The following ASCC3 variants were observed in gnomAD, a reference collection of about 807,000 sequenced individuals.
The protein encoded by ASCC3 is activating signal cointegrator 1 complex subunit 3.
Under a neutral mutation model 256.3 loss-of-function variants are expected in ASCC3, and 158 were observed. That is an observed-to-expected ratio of 0.62 (90% confidence interval 0.54 to 0.70). ASCC3 has a LOEUF of 0.70. Ranked by LOEUF, ASCC3 falls within the 30% of genes least tolerant of loss-of-function variation. The pLI is 0.00. For missense variants in ASCC3, 2,259 were observed against 2,626.0 expected, an observed-to-expected ratio of 0.86 and a Z score of 3.05; for synonymous variants, 948 against 883.4, an observed-to-expected ratio of 1.07 and a Z score of -1.30.
In ASCC3 at chr6:100,613,200, G is replaced by C. The variant is rs915035257; in HGVS notation, c.4786-6112C>G. 4.0e-5 allele frequency among the ~76,000 whole-genome samples: 6 copies of C among 151,620 alleles called. No homozygotes were observed. The East Asian group carries it at 1.2e-3, about 29-fold the overall frequency. On this transcript the variant is annotated intron_variant, in intron 30 of 41. Coordinates refer to ENST00000369162, the MANE Select transcript of ASCC3 (RefSeq NM_006828.4). ...AGGGCTTTTAGGGTACCCATTACCT[G>C]AATTGGGTACATTGTACCCATTAAG...
intron 37 of ASCC3, among the ~76,000 whole-genome samples, chr6:100,522,737 CT>C (rs1380963852): frequency 6.6e-6 from 1 of 151,776 alleles, no homozygotes; most frequent in Admixed American, 6.6e-5. Flanking sequence ...GTCAAACACT[CT>C]GTTAACCATT....
intron 36 of ASCC3, among the ~76,000 whole-genome samples, chr6:100,581,801 T>C (rs535554245): frequency 5.3e-5 from 8 of 151,096 alleles, no homozygotes; most frequent in Non-Finnish European, 8.9e-5. Flanking sequence ...TTTCTACATA[T>C]GGCTAGCCAG....
intron 11 of ASCC3, among the ~76,000 whole-genome samples, chr6:100,723,315 C>A (rs1046608684): frequency 5.3e-5 from 8 of 151,574 alleles, no homozygotes; most frequent in Non-Finnish European, 8.9e-5. Context: ...GTGTGTCTTA[C>A]TGATCAGAAT....
At chr6:100,699,439 G>A (rs894626756) in intron 13 of ASCC3, among the ~76,000 whole-genome samples, 8 of 152,172 alleles carry the variant, frequency 5.3e-5, no homozygotes, top group Non-Finnish European at 8.8e-5. Context: ...ATGTGGAACT[G>A]TAAGTATGTG....
chr6:100,836,229 G>C (rs914396035), intron 4 of ASCC3, among the ~76,000 whole-genome samples: 1 of 152,046 alleles, frequency 6.6e-6, no homozygotes, highest in African/African-American at 2.4e-5. Context: ...TTCCCACATT[G>C]GATGTCTTTT....
intron 10 of ASCC3, among the ~76,000 whole-genome samples, chr6:100,758,821 G>A (rs1040198012): frequency 1.3e-5 from 2 of 152,172 alleles, no homozygotes; most frequent in African/African-American, 4.8e-5. Context: ...TCATCATACT[G>A]TCTTCCACAA....
At chr6:100,793,951 C>G (rs1769476007) in intron 8 of ASCC3, among the ~76,000 whole-genome samples, 1 of 151,996 alleles carries the variant, frequency 6.6e-6, no homozygotes, top group Non-Finnish European at 1.5e-5. Context: ...CAACACTGCT[C>G]AAAACAAAAA....
Position 100,547,034 on chromosome 6 carries a change from G to A in ASCC3, c.5551-6647C>T, listed in dbSNP as rs142493855. 1.9e-3 allele frequency among the ~76,000 whole-genome samples: 289 copies of A among 152,060 alleles called. 3 individuals carry two copies. Among genetic ancestry groups the A allele is most frequent in the African/African-American group, 6.4e-3 (267 of 41,508 alleles). On this transcript the variant is annotated intron_variant, in intron 36 of 41. Transcript: ENST00000369162. ...TTATAAAGCTACACTAAGCAAAAAT[G>A]TATACATTGGAATTGAACAAGGAGT... is the stretch of plus-strand genomic sequence containing the variant.
intron 10 of ASCC3, among the ~76,000 whole-genome samples, chr6:100,765,340 A>G (rs540804210): frequency 7.2e-5 from 11 of 152,320 alleles, no homozygotes; most frequent in African/African-American, 2.4e-4. Context: ...TAAGAGCAGG[A>G]CATGCCTCAT....
intron 40 of ASCC3, 42 bp downstream of exon 40, chr6:100,512,667 A>G: frequency 3.8e-6 from 6 of 1,576,084 alleles, no homozygotes; most frequent in Non-Finnish European, 5.2e-6. Flanking sequence ...GCATGCTGGT[A>G]TTTGGTGTGA....
At chr6:100,650,393 A>G (rs1026621764) in intron 20 of ASCC3, 145 bp downstream of exon 20, 20 of 813,462 alleles carry the variant, frequency 2.5e-5, no homozygotes, top group Non-Finnish European at 3.5e-5. Context: ...TAAAATATTT[A>G]CAAATTAGCA....
At chr6:100,675,192 T>C (rs1190795173) in intron 14 of ASCC3, among the ~76,000 whole-genome samples, 1 of 151,396 alleles carries the variant, frequency 6.6e-6, no homozygotes, top group Non-Finnish European at 1.5e-5. Flanking sequence ...ACTTTTGACA[T>C]CCTATGTGGT....
intron 37 of ASCC3, among the ~76,000 whole-genome samples, chr6:100,526,347 C>T (rs1258124121): frequency 4.6e-5 from 7 of 152,070 alleles, no homozygotes; most frequent in East Asian, 3.9e-4. Flanking sequence ...CAGCCCCAAC[C>T]GGGAAAAGGG....
chr6:100,568,343 C>T (rs563529211), intron 36 of ASCC3, among the ~76,000 whole-genome samples: 42 of 149,614 alleles, frequency 2.8e-4, no homozygotes, highest in Admixed American at 1.2e-3. Flanking sequence ...ACTCCAGCCT[C>T]GGCGACAAAG....
intron 22 of ASCC3, among the ~76,000 whole-genome samples, chr6:100,644,661 C>T (rs1304330482): frequency 6.6e-6 from 1 of 152,142 alleles, no homozygotes; most frequent in Non-Finnish European, 1.5e-5. Flanking sequence ...GCATCTCTCC[C>T]TCATGTGACT....
chr6:100,679,676 C>T lies in ASCC3; in HGVS notation c.2228G>A (p.Gly743Asp). 1 of 1,613,566 alleles carries T rather than the reference C, an allele frequency of 6.2e-7. No individual in the cohort carries two copies. Among genetic ancestry groups the T allele is most frequent in the African/African-American group, 1.3e-5 (1 of 74,974 alleles). Residue 743 changes from glycine to aspartate, a missense_variant, in exon 14 of 42, where the codon GGC becomes GAC. By Grantham distance (94) the Gly-to-Asp change is moderately conservative (BLOSUM62 -1). Transcript: ENST00000369162. Reference sequence around the variant, plus strand: ...GGTAGGAAAAAAGAAGGGAATATGGCCACAATTTTTTGCTCTTTCTATTAG... The same window carrying T: ...GGTAGGAAAAAAGAAGGGAATATGGTCACAATTTTTTGCTCTTTCTATTAG... ...MSLIERAKNC[G>D]HIPFFFPTQG...
chr6:100,811,585 T>A (rs1459887123), intron 4 of ASCC3, among the ~76,000 whole-genome samples: 1 of 152,046 alleles, frequency 6.6e-6, no homozygotes, highest in Non-Finnish European at 1.5e-5. Context: ...TAAAAAACAC[T>A]CTTTTGTCTT....
intron 36 of ASCC3, among the ~76,000 whole-genome samples, chr6:100,567,246 T>G (rs1005728774): frequency 1.3e-5 from 2 of 152,076 alleles, no homozygotes; most frequent in African/African-American, 4.8e-5. Context: ...ACTATGCATA[T>G]CTATGCATAG....
intron 36 of ASCC3, among the ~76,000 whole-genome samples, chr6:100,586,504 G>A (rs757600252): frequency 5.9e-5 from 9 of 152,240 alleles, no homozygotes; most frequent in East Asian, 3.9e-4. Flanking sequence ...TCTTTGACTC[G>A]GAAAGGGAAC....
Sources: allele counts gnomAD v4.1 joint callset (sites outside exome capture counted in the v4.1 genomes callset), GRCh38; gene constraint gnomAD v4.1.1; transcripts MANE v1.5; gene names NCBI Gene and HGNC (gene_info 2026-07-23, HGNC 2026-07-21).